The following KRT40 variants were observed in gnomAD, a reference collection of about 807,000 sequenced individuals.
KRT40 encodes keratin, type I cytoskeletal 40.
In KRT40, 47 loss-of-function variants were observed where a neutral mutation model predicts 43.5. The observed-to-expected ratio is 1.08, with a 90% CI of 0.86 to 1.38. The LOEUF (loss-of-function observed/expected upper bound fraction) is 1.38, where lower values mean the gene tolerates loss of function less well. Among genes scored for constraint, KRT40 ranks in the 40% most tolerant of loss-of-function variants. KRT40 has a pLI of 0.00. For synonymous variants in KRT40, 212 were observed against 214.0 expected, an observed-to-expected ratio of 0.99 and a Z score of 0.08; for missense variants, 573 against 523.6, an observed-to-expected ratio of 1.09 and a Z score of -0.92.
chr17:40,985,120 C>T (rs1474205546), upstream of KRT40, among the ~76,000 whole-genome samples: 1 of 152,068 alleles, frequency 6.6e-6, no homozygotes, highest in Non-Finnish European at 1.5e-5. Context: ...CTTGGGAATT[C>T]CTTAATGATT....
intron 3 of KRT40, 120 bp downstream of exon 3, chr17:40,982,187 T>C (rs978986057): frequency 2.2e-6 from 2 of 920,084 alleles, no homozygotes; most frequent in African/African-American, 3.4e-5. Context: ...CTGCCTCAAG[T>C]AGTTTTATTC....
Position 40,984,157 on chromosome 17 carries a change from A to C in KRT40, c.117T>G (p.Ala39=), listed in dbSNP as rs1485616341. ...VETACLPGTC[A]TSRCQTPSFL... ...AGCTTGGAGTCTGACATCGGGATGTAGCACAGGTACCGGGGAGACAAGCTG... is the reference window on the plus strand; with the variant it reads ...AGCTTGGAGTCTGACATCGGGATGTCGCACAGGTACCGGGGAGACAAGCTG... Residue 39 remains alanine, a synonymous_variant, in exon 1 of 7, where the codon GCT becomes GCG. Transcript: ENST00000377755. 2 of 1,614,114 alleles carry C rather than the reference A, an allele frequency of 1.2e-6. No individual in the cohort carries two copies. The highest frequency in any genetic ancestry group is 8.5e-7 in the Non-Finnish European group (1 of 1,180,028).
Position 40,984,182 on chromosome 17 carries a change from G to T in KRT40, c.92C>A (p.Thr31Lys). The T allele has an allele frequency of 6.2e-7, 1 of 1,614,104 alleles. No homozygotes were observed. The highest frequency in any genetic ancestry group is 1.1e-5 in the South Asian group (1 of 91,066). Residue 31 changes from threonine (T) to lysine (K), a missense_variant, in exon 1 of 7, where the codon ACA (threonine) becomes AAA (lysine). Transcript: ENST00000377755. ...AGCACAGGTACCGGGGAGACAAGCTGTTTCCACGGAGCAGCTTGAGGCAGG... is the reference window on the plus strand; with the variant it reads ...AGCACAGGTACCGGGGAGACAAGCTTTTTCCACGGAGCAGCTTGAGGCAGG... Reference protein sequence around the residue: ...CAPASSCSVETACLPGTCATS... With the variant: ...CAPASSCSVEKACLPGTCATS...
At position 40,983,972 on chromosome 17, in the gene KRT40, G is replaced by A. The variant is rs376443319; in HGVS notation, c.302C>T (p.Ala101Val). The change falls in exon 1 of 7, where the codon GCC (alanine) becomes GTC (valine). Residue 101 changes from alanine (A) to valine (V), a missense_variant. Transcript: ENST00000377755. ...GCTGCGCACCTTCTCCAGATAGCTG[G>A]CGAGTCTGTCATTCAGGAACTGCAT... ...ETMQFLNDRL[A>V]SYLEKVRSLE... is the part of the protein sequence containing the mutation. The A allele has an allele frequency of 6.4e-5, 103 of 1,614,014 alleles. No homozygotes were observed. In the African/African-American group the frequency reaches 1.2e-3, roughly 19 times the overall value.
chr17:40,985,486 T>A (rs1009088953), upstream of KRT40, among the ~76,000 whole-genome samples: 1 of 152,182 alleles, frequency 6.6e-6, no homozygotes, highest in Non-Finnish European at 1.5e-5. Context: ...AAGAACATTA[T>A]AGGAAAAAAA....
chr17:40,979,387 C>T (rs944904723), intron 5 of KRT40, among the ~76,000 whole-genome samples: 1 of 151,628 alleles, frequency 6.6e-6, no homozygotes, highest in Non-Finnish European at 1.5e-5. Flanking sequence ...CGGTGGTGGA[C>T]GCCTGTAGTC....
intron 3 of KRT40, 61 bp downstream of exon 3, chr17:40,982,246 C>A: frequency 1.5e-6 from 2 of 1,353,956 alleles, no homozygotes; most frequent in South Asian, 1.8e-5. Context: ...ATCAACAGAT[C>A]ATCTGTCAAT....
chr17:40,981,282 C>T (rs1211276026), intron 3 of KRT40, 131 bp from the exon 4 acceptor site: 3 of 1,541,778 alleles, frequency 1.9e-6, no homozygotes, highest in Non-Finnish European at 2.6e-6. Flanking sequence ...ATTGCCTGGG[C>T]TGAATCTCTT....
Position 40,984,224 on chromosome 17 carries a change from G to C in KRT40, c.50C>G (p.Thr17Arg). The C allele has an allele frequency of 3.7e-6, 6 of 1,613,842 alleles. No homozygotes were observed. Among genetic ancestry groups the C allele is most frequent in the Non-Finnish European group, 5.1e-6 (6 of 1,179,918 alleles). The change falls in exon 1 of 7, where the codon ACG (threonine) becomes AGG (arginine). Residue 17 changes from threonine (T) to arginine (R), a missense_variant. Transcript: ENST00000377755. ...STHCSPESCG[T>R]ASGCAPASSC... ...TGAGGCAGGTGCACAACCGGAAGCC[G>C]TGCCACAGGACTCAGGAGAGCAGTG...
In KRT40 at chr17:40,978,233, G is replaced by A. The variant is rs926623162; in HGVS notation, c.1260C>T (p.Ala420=). Reference sequence around the variant, plus strand: ...AGTTTTCAACAGTGCAGATGACATAGGCTGAGCATGGCTCACAAGTGTTGC... The same window carrying A: ...AGTTTTCAACAGTGCAGATGACATAAGCTGAGCATGGCTCACAAGTGTTGC... The part of the protein sequence containing the change: ...TSSNTCEPCS[A]YVICTVENCC... The change falls in exon 7 of 7, where the codon GCC becomes GCT. Residue 420 remains alanine, a synonymous_variant. Transcript: ENST00000377755. The A allele has an allele frequency of 3.7e-6, 6 of 1,613,968 alleles. No individual in the cohort carries two copies. The African/African-American group carries it at 6.7e-5, about 18-fold the overall frequency.
upstream of KRT40, chr17:40,986,454 A>G (rs1023043248): frequency 1.3e-5 from 2 of 152,220 alleles, no homozygotes; most frequent in East Asian, 1.9e-4. Context: ...ACACAGTACA[A>G]GCACCATCCT....
rs1487225239 is a variant in KRT40, at chr17:40,978,954, C to A, written c.1046G>T (p.Cys349Phe). ...CTGGTTCTCCAGGTTATCGATCAGA[C>A]ACTGAATTTGGGCCAGCTGGGAGCT... is the stretch of plus-strand genomic sequence containing the variant. ...QYSSQLAQIQCLIDNLENQLA... is the reference protein window; with the variant it reads ...QYSSQLAQIQFLIDNLENQLA... Residue 349 changes from cysteine to phenylalanine, a missense_variant, in exon 6 of 7, where the codon TGT (cysteine) becomes TTT (phenylalanine). Physicochemically the swap from Cys to Phe is radical, Grantham distance 205 (BLOSUM62 -2). Transcript: ENST00000377755. 1 of 1,614,110 alleles carries A rather than the reference C, an allele frequency of 6.2e-7. No homozygotes were observed. Among genetic ancestry groups the A allele is most frequent in the Non-Finnish European group, 8.5e-7 (1 of 1,180,022 alleles).
intron 5 of KRT40, among the ~76,000 whole-genome samples, chr17:40,980,015 A>T (rs1056306845): frequency 4.7e-4 from 71 of 152,320 alleles, no homozygotes; most frequent in African/African-American, 1.7e-3. Flanking sequence ...ACGTAAAAAA[A>T]ATTTACGCAT....
At chr17:40,980,193 C>T (rs1188260580) in intron 5 of KRT40, among the ~76,000 whole-genome samples, 6 of 152,110 alleles carry the variant, frequency 3.9e-5, no homozygotes, top group Non-Finnish European at 5.9e-5. Context: ...GGTATCTATC[C>T]GGTAAAGTTA....
At position 40,978,291 on chromosome 17, in the gene KRT40, G is replaced by A. The variant is rs899061543; in HGVS notation, c.1202C>T (p.Ser401Phe). 3 of 1,613,424 alleles carry A rather than the reference G, an allele frequency of 1.9e-6. No individual in the cohort carries two copies. Reference sequence around the variant, plus strand: ...GCATGTGGTCGAACATGGGCTACAGGAAAGCCTGGGGAAAAATCGATTTTC... The same window carrying A: ...GCATGTGGTCGAACATGGGCTACAGAAAAGCCTGGGGAAAAATCGATTTTC... ...GLLDSEDSRLSCSPCSTTCTS... is the reference protein window; with the variant it reads ...GLLDSEDSRLFCSPCSTTCTS... Residue 401 changes from serine to phenylalanine, a missense_variant, in exon 7 of 7, where the codon TCC becomes TTC. Transcript: ENST00000377755.
At position 40,978,911 on chromosome 17, in the gene KRT40, G is replaced by A. The variant is rs765746846; in HGVS notation, c.1089C>T (p.Cys363=). The A allele has an allele frequency of 1.1e-5, 18 of 1,613,982 alleles. No homozygotes were observed. Among genetic ancestry groups the A allele is most frequent in the East Asian group, 2.2e-5 (1 of 44,878 alleles). ...ACTCCTGGTTCTGTCGCTCCAGGTC[G>A]CAGCGGATCTCGGCCAGCTGGTTCT... ...NLENQLAEIR[C]DLERQNQEYQ... Residue 363 remains cysteine, a synonymous_variant, in exon 6 of 7, where the codon TGC becomes TGT. Transcript: ENST00000377755.
chr17:40,981,023 A>T lies in KRT40; in HGVS notation c.816T>A (p.Asn272Lys), dbSNP rs1199386397. The T allele has an allele frequency of 6.2e-7, 1 of 1,614,220 alleles. No individual in the cohort carries two copies. The highest frequency in any genetic ancestry group is 1.7e-5 in the Admixed American group (1 of 60,028). ...CCAACCATTCTTCAGCTTCTCTGCG[A>T]TTGTTGGCAAGCACCGTTTCACACT... The part of the protein sequence containing the change: ...RCQCETVLAN[N>K]RREAEEWLAV... The change falls in exon 4 of 7, where the codon AAT (asparagine) becomes AAA (lysine). Residue 272 changes from asparagine (N) to lysine (K), a missense_variant. Coordinates refer to ENST00000377755, the MANE Select transcript of KRT40 (RefSeq NM_001389244.1).
Position 40,978,575 on chromosome 17 carries a change from G to A in KRT40, c.1196+229C>T, listed in dbSNP as rs1269748696. 2.6e-5 allele frequency among the ~76,000 whole-genome samples: 4 copies of A among 152,124 alleles called. No individual in the cohort carries two copies. The South Asian group carries it at 8.3e-4, about 32-fold the overall frequency. On this transcript the variant is annotated intron_variant, in intron 6 of 6. Coordinates refer to ENST00000377755, the MANE Select transcript of KRT40 (RefSeq NM_001389244.1). ...CCTTTAGTGGAAAACAGGAACAAAG[G>A]GAGATGCCAGCATGAAATGTTACAC... is the stretch of plus-strand genomic sequence containing the variant.
chr17:40,981,646 C>T (rs947580915), intron 3 of KRT40, among the ~76,000 whole-genome samples: 1 of 152,150 alleles, frequency 6.6e-6, no homozygotes, highest in African/African-American at 2.4e-5. Flanking sequence ...ATGGACTTCA[C>T]AGTCTGTTCC....
Sources: allele counts gnomAD v4.1 joint callset (sites outside exome capture counted in the v4.1 genomes callset), GRCh38; gene constraint gnomAD v4.1.1; transcripts MANE v1.5; gene names NCBI Gene and HGNC (gene_info 2026-07-23, HGNC 2026-07-21).